Variants in TMEM132B observed in about 807,000 individuals in gnomAD.
TMEM132B encodes the protein transmembrane protein 132B.
A neutral mutation model predicts 90.8 loss-of-function variants in TMEM132B; 18 were observed. The observed-to-expected ratio is 0.20, with a 90% confidence interval of 0.14 to 0.29. The LOEUF is 0.29. Ranked by LOEUF, TMEM132B falls within the 10% of genes least tolerant of loss-of-function variation. TMEM132B has a pLI of 1.00. For missense variants in TMEM132B, 1,096 were observed against 1,326.8 expected, an observed-to-expected ratio of 0.83 and a Z score of 2.70; for synonymous variants, 504 against 523.3, an observed-to-expected ratio of 0.96 and a Z score of 0.50.
chr12:125,203,869 T>C (rs1353115103), intron 1 of TMEM132B, among the ~76,000 whole-genome samples: 8 of 152,242 alleles, frequency 5.3e-5, no homozygotes, highest in African/African-American at 1.7e-4. Context: ...TTCCAGTATA[T>C]ATGCTGACCT....
chr12:125,260,160 T>G (rs1874529207), intron 1 of TMEM132B, among the ~76,000 whole-genome samples: 1 of 152,160 alleles, frequency 6.6e-6, no homozygotes, highest in Non-Finnish European at 1.5e-5. Flanking sequence ...TGTTCTGTCA[T>G]TTTGCCACCA....
chr12:125,373,759 A>T (rs565414534), intron 2 of TMEM132B, among the ~76,000 whole-genome samples: 1 of 152,148 alleles, frequency 6.6e-6, no homozygotes, highest in East Asian at 1.9e-4. Flanking sequence ...GTTCTGTTTC[A>T]TTATCAGTTT....
intron 4 of TMEM132B, among the ~76,000 whole-genome samples, chr12:125,526,694 A>T (rs1883471780): frequency 6.6e-6 from 1 of 152,170 alleles, no homozygotes; most frequent in Non-Finnish European, 1.5e-5. Context: ...CTTCATGAAG[A>T]TAAACACACA....
In TMEM132B at chr12:125,654,609, T is replaced by C. The variant is rs761788870; in HGVS notation, c.3151T>C (p.Phe1051Leu). The change falls in exon 9 of 9, where the codon TTT becomes CTT. Residue 1051 changes from phenylalanine (F) to leucine (L), a missense_variant. Phe to Leu is a conservative substitution (Grantham distance 22). Coordinates refer to ENST00000682704, the MANE Select transcript of TMEM132B (RefSeq NM_001366854.1). The surrounding 1 kb of genome is among the most constrained non-coding windows in gnomAD (Gnocchi z 5.8). ...CGGCCCATACACCAACTCCATCCTG[T>C]TTGACAGCGATGATAACATCAAGTG... ...DGGPYTNSIL[F>L]DSDDNIKWVC... 6.2e-7 allele frequency: 1 copy of C among 1,614,192 alleles called. No homozygotes were observed. The highest frequency in any genetic ancestry group is 8.5e-7 in the Non-Finnish European group (1 of 1,180,038).
chr12:125,347,459 C>T lies in TMEM132B; in HGVS notation c.68-1993C>T, dbSNP rs147184112. Among the ~76,000 whole-genome samples, 331 of 152,236 alleles carry T rather than the reference C, an allele frequency of 2.2e-3. 1 individual carries two copies. The highest frequency in any genetic ancestry group is 7.8e-3 in the African/African-American group (322 of 41,530). ...CTGTATCTTTTTCACAATCTAGTTA[C>T]GATTTTCTCACCCTCTAGAAAAGGA... On this transcript the variant is annotated intron_variant, in intron 1 of 8. Transcript: ENST00000682704.
intron 2 of TMEM132B, among the ~76,000 whole-genome samples, chr12:125,356,194 G>A (rs1877768333): frequency 6.6e-6 from 1 of 152,128 alleles, no homozygotes; most frequent in Non-Finnish European, 1.5e-5. Context: ...GAGCCTCCTG[G>A]GCTGACCTCT....
At chr12:125,506,824 T>C (rs1471546248) in intron 3 of TMEM132B, among the ~76,000 whole-genome samples, 3 of 152,250 alleles carry the variant, frequency 2.0e-5, no homozygotes, top group African/African-American at 4.8e-5. Context: ...TTGGGTCTTA[T>C]ATCTTTCTTG....
intron 5 of TMEM132B, among the ~76,000 whole-genome samples, chr12:125,596,832 A>G (rs1885450777): frequency 6.6e-6 from 1 of 152,200 alleles, no homozygotes. Context: ...ACAAATGACA[A>G]ATATTTGAGT....
intron 3 of TMEM132B, among the ~76,000 whole-genome samples, chr12:125,515,990 TCTC>T (rs1211610667): frequency 2.6e-5 from 4 of 151,604 alleles, no homozygotes; most frequent in African/African-American, 7.3e-5. Flanking sequence ...ATGCACACAT[TCTC>T]CTTTCTCCCA....
At chr12:125,457,384 C>T (rs1881320183) in intron 3 of TMEM132B, among the ~76,000 whole-genome samples, 1 of 152,148 alleles carries the variant, frequency 6.6e-6, no homozygotes, top group Admixed American at 6.5e-5. Context: ...CTCCTGTGCT[C>T]AGAGTTGGAA....
At chr12:125,325,353 C>A (rs1283547588) in intron 1 of TMEM132B, among the ~76,000 whole-genome samples, 1 of 152,152 alleles carries the variant, frequency 6.6e-6, no homozygotes, top group Admixed American at 6.5e-5. Context: ...AGCGGAGGAC[C>A]TTCAAAGCAG....
At chr12:125,469,170 A>C (rs1043801088) in intron 3 of TMEM132B, among the ~76,000 whole-genome samples, 2 of 152,134 alleles carry the variant, frequency 1.3e-5, no homozygotes, top group Non-Finnish European at 2.9e-5. Flanking sequence ...CTTGGAGGAA[A>C]AGCTTTTAGT....
chr12:125,269,124 G>C (rs1343014438), intron 1 of TMEM132B, among the ~76,000 whole-genome samples: 1 of 152,196 alleles, frequency 6.6e-6, no homozygotes, highest in Non-Finnish European at 1.5e-5. Context: ...TGGGTTCCCA[G>C]ATACACCTCT....
chr12:125,499,606 G>T (rs956379196), intron 3 of TMEM132B, among the ~76,000 whole-genome samples: 1 of 152,142 alleles, frequency 6.6e-6, no homozygotes, highest in African/African-American at 2.4e-5. Flanking sequence ...GGACGCATGG[G>T]GGGTGCCTGT....
At chr12:125,455,816 T>G (rs1056145226) in intron 3 of TMEM132B, among the ~76,000 whole-genome samples, 1 of 152,188 alleles carries the variant, frequency 6.6e-6, no homozygotes, top group African/African-American at 2.4e-5. Context: ...AGTTGTTGCA[T>G]TTGCTGCTTT....
chr12:125,619,748 T>C (rs1023348166), intron 5 of TMEM132B, among the ~76,000 whole-genome samples: 3 of 152,238 alleles, frequency 2.0e-5, no homozygotes, highest in Admixed American at 1.3e-4. Context: ...CACAGGCTGC[T>C]GGACAGGGGG....
chr12:125,222,150 G>A (rs903408832), intron 1 of TMEM132B, among the ~76,000 whole-genome samples: 12 of 152,164 alleles, frequency 7.9e-5, no homozygotes, highest in African/African-American at 2.9e-4. Context: ...ACCTTTATTA[G>A]AAAGGTGGGA....
At chr12:125,255,344 C>T (rs189842457) in intron 1 of TMEM132B, among the ~76,000 whole-genome samples, 6 of 151,928 alleles carry the variant, frequency 3.9e-5, no homozygotes, top group African/African-American at 1.2e-4. Context: ...TATGTGGGCG[C>T]GAGGGGGTGG....
intron 1 of TMEM132B, among the ~76,000 whole-genome samples, chr12:125,339,215 C>T (rs978903508): frequency 5.3e-5 from 8 of 152,192 alleles, no homozygotes; most frequent in South Asian, 2.1e-4. Flanking sequence ...CAAAGTACCA[C>T]ATATTGGGCC....
Sources: allele counts gnomAD v4.1 joint callset (sites outside exome capture counted in the v4.1 genomes callset), GRCh38; gene constraint gnomAD v4.1.1; non-coding constraint Gnocchi (gnomAD v3.1); transcripts MANE v1.5; gene names NCBI Gene and HGNC (gene_info 2026-07-23, HGNC 2026-07-21).